The following ANKHD1 variants were observed in gnomAD, a reference collection of about 807,000 sequenced individuals.
The protein encoded by ANKHD1 is ankyrin repeat and KH domain-containing protein 1.
ANKHD1 carries 31 observed loss-of-function variants against 230.5 expected under a neutral mutation model. The ratio of observed to expected loss-of-function variants is 0.13; its 90% CI spans 0.10 to 0.18. ANKHD1 has a LOEUF of 0.18. ANKHD1 is among the 10% of genes least tolerant of loss of function. The probability of loss-of-function intolerance (pLI) is 1.00; values close to 1 mark genes in which losing one functional copy is unlikely to be tolerated. For synonymous variants in ANKHD1, 1,074 were observed against 1,117.6 expected (o/e 0.96, Z 0.78); for missense variants, 2,256 against 3,071.3 (o/e 0.73, Z 6.27).
intron 14 of ANKHD1, among the ~76,000 whole-genome samples, chr5:140,495,249 CT>C (rs70988766): frequency 0.54 from 66,081 of 123,356 alleles, 16,790 homozygotes; most frequent in African/African-American, 0.67. Context: ...AATAGTCCTA[CT>C]TTTTTTTTTT....
chr5:140,414,657 C>T (rs960649845), intron 1 of ANKHD1, among the ~76,000 whole-genome samples: 1 of 151,946 alleles, frequency 6.6e-6, no homozygotes, highest in South Asian at 2.1e-4. Flanking sequence ...TATAGGGAAC[C>T]CTGTCTCTAC....
chr5:140,490,579 C>T (rs750488042), intron 14 of ANKHD1, among the ~76,000 whole-genome samples: 25 of 152,268 alleles, frequency 1.6e-4, no homozygotes, highest in Non-Finnish European at 2.8e-4. Context: ...CATTATTTAA[C>T]TTTATTACCT....
chr5:140,491,641 C>G (rs975219652), intron 14 of ANKHD1, among the ~76,000 whole-genome samples: 3 of 152,100 alleles, frequency 2.0e-5, no homozygotes, highest in African/African-American at 7.2e-5. Context: ...TGTCCTTTCT[C>G]CCAGTGACGA....
chr5:140,474,396 A>G (rs1214163625), intron 10 of ANKHD1, among the ~76,000 whole-genome samples: 1 of 152,120 alleles, frequency 6.6e-6, no homozygotes, highest in Non-Finnish European at 1.5e-5. Flanking sequence ...TCCAACTCCA[A>G]AAGACATTGC....
At chr5:140,490,544 CAG>C (rs1258573608) in intron 14 of ANKHD1, among the ~76,000 whole-genome samples, 1 of 152,174 alleles carries the variant, frequency 6.6e-6, no homozygotes, top group African/African-American at 2.4e-5. Context: ...ATATGAAACT[CAG>C]AGTGACATGC....
chr5:140,403,674 A>G (rs1359524951), intron 1 of ANKHD1, among the ~76,000 whole-genome samples: 1 of 152,158 alleles, frequency 6.6e-6, no homozygotes, highest in Non-Finnish European at 1.5e-5. Flanking sequence ...TTTTATGTGT[A>G]TACTTTTTTC....
chr5:140,413,931 C>T (rs762054443), intron 1 of ANKHD1, among the ~76,000 whole-genome samples: 4 of 152,080 alleles, frequency 2.6e-5, no homozygotes, highest in Non-Finnish European at 4.4e-5. Context: ...CAGGAGTGTG[C>T]CACCATGCCT....
chr5:140,404,967 CTGTGTGTGTGTGTGTGTGTGTG>C (rs35692572), intron 1 of ANKHD1, among the ~76,000 whole-genome samples: 1 of 134,832 alleles, frequency 7.4e-6, no homozygotes, highest in Non-Finnish European at 1.6e-5. Context: ...CTGTGCATGT[CTGTGTGTGTGTGTGTGTGTGTG>C]TGTGTGTGTG....
chr5:140,467,272 A>G (rs1776161912), intron 10 of ANKHD1, among the ~76,000 whole-genome samples: 5 of 152,162 alleles, frequency 3.3e-5, no homozygotes, highest in Admixed American at 3.3e-4. Flanking sequence ...ATAACTCTAT[A>G]TGTATAACTT....
intron 1 of ANKHD1, among the ~76,000 whole-genome samples, chr5:140,404,302 C>T (rs1770233075): frequency 6.6e-6 from 1 of 152,092 alleles, no homozygotes; most frequent in Non-Finnish European, 1.5e-5. Flanking sequence ...AAATGAGAAT[C>T]TGAAAGAGTT....
Position 140,496,443 on chromosome 5 carries a change from C to CTT in ANKHD1, c.2246-66_2246-65dup, listed in dbSNP as rs368980981. ...GTGTGTGGGAGGGGAGGCTGGTTTT[C>CTT]TTTTTTTTTTTTCTTTTCTTTTTTT... is the stretch of plus-strand genomic sequence containing the variant. On this transcript the variant is annotated intron_variant, in intron 14 of 33. Transcript: ENST00000360839. 6,924 of 716,708 alleles carry CTT rather than the reference C, an allele frequency of 9.7e-3. 5 individuals are homozygous for CTT. Among genetic ancestry groups the CTT allele is most frequent in the East Asian group, 0.022 (387 of 17,852 alleles). 44.4% of individuals were successfully genotyped at this position (716,708 alleles called of 1,614,324 possible).
rs530270592 is a variant in ANKHD1 at position 140,454,257 on chromosome 5, T to A, written c.1243-4368T>A. On this transcript the variant is annotated intron_variant, in intron 7 of 33. Transcript: ENST00000360839. ...AGAGACTTAGACTCCCACACAATAA[T>A]AATGGGAGACTTTAACACCCCACTG... 1.6e-3 allele frequency among the ~76,000 whole-genome samples: 244 copies of A among 152,164 alleles called. 5 individuals are homozygous for A. The highest frequency in any genetic ancestry group is 0.014 in the Admixed American group (215 of 15,280).
intron 24 of ANKHD1, among the ~76,000 whole-genome samples, chr5:140,518,611 C>T (rs1753161422): frequency 6.6e-6 from 1 of 152,044 alleles, no homozygotes; most frequent in South Asian, 2.1e-4. Context: ...GGCTTCATCC[C>T]TGGGATGCAA....
At chr5:140,520,269 T>G (rs1753264901) in intron 24 of ANKHD1, among the ~76,000 whole-genome samples, 1 of 151,862 alleles carries the variant, frequency 6.6e-6, no homozygotes. Flanking sequence ...CATTAAAAAG[T>G]CAGGAAACAA....
At chr5:140,460,007 T>C (rs1303182221) in intron 9 of ANKHD1, among the ~76,000 whole-genome samples, 1 of 152,178 alleles carries the variant, frequency 6.6e-6, no homozygotes, top group African/African-American at 2.4e-5. Context: ...CTCCGTCTAA[T>C]TGTTTGTGGC....
chr5:140,457,635 A>G (rs745383505), intron 7 of ANKHD1, among the ~76,000 whole-genome samples: 45 of 152,106 alleles, frequency 3.0e-4, no homozygotes, highest in Non-Finnish European at 6.0e-4. Flanking sequence ...GTTCTCACTC[A>G]TAGGTGGGAA....
chr5:140,465,482 TGA>T (rs1561765709), intron 10 of ANKHD1, among the ~76,000 whole-genome samples: 1 of 152,216 alleles, frequency 6.6e-6, no homozygotes, highest in African/African-American at 2.4e-5. Flanking sequence ...TTTTATTTTG[TGA>T]GAGTGCTTTA....
chr5:140,490,548 G>A (rs1751727394), intron 14 of ANKHD1, among the ~76,000 whole-genome samples: 1 of 152,182 alleles, frequency 6.6e-6, no homozygotes, highest in African/African-American at 2.4e-5. Flanking sequence ...GAAACTCAGA[G>A]TGACATGCTC....
chr5:140,435,277 T>TTTGTTGTTGTTGTTGTTG (rs547185638), intron 1 of ANKHD1, among the ~76,000 whole-genome samples: 2 of 151,686 alleles, frequency 1.3e-5, no homozygotes, highest in East Asian at 3.9e-4. Flanking sequence ...TGCTATCAAG[T>TTTGTTGTTGTTGTTGTTG]TTGTTGTTGT....
Sources: allele counts gnomAD v4.1 joint callset (sites outside exome capture counted in the v4.1 genomes callset), GRCh38; gene constraint gnomAD v4.1.1; transcripts MANE v1.5; gene names NCBI Gene and HGNC (gene_info 2026-07-23, HGNC 2026-07-21).